Variants in CDC42BPA observed in about 807,000 individuals in gnomAD.
The protein encoded by CDC42BPA is CDC42 binding protein kinase alpha.
CDC42BPA carries 80 observed loss-of-function variants against 223.5 expected under a neutral mutation model. The observed-to-expected ratio is 0.36, with a 90% CI of 0.30 to 0.43. The LOEUF is 0.43. CDC42BPA is among the 20% of genes least tolerant of loss of function. The pLI is 1.00. For missense variants in CDC42BPA, 1,743 were observed against 2,099.9 expected (o/e 0.83, Z 3.32); for synonymous variants, 694 against 718.6 (o/e 0.97, Z 0.55).
At chr1:227,086,196 A>T (rs1461847290) in intron 16 of CDC42BPA, among the ~76,000 whole-genome samples, 1 of 152,230 alleles carries the variant, frequency 6.6e-6, no homozygotes, top group Admixed American at 6.5e-5. Flanking sequence ...GTATTCTAGT[A>T]TATGGGTATG....
chr1:227,110,938 T>C (rs1009504851), intron 14 of CDC42BPA, among the ~76,000 whole-genome samples: 26 of 152,358 alleles, frequency 1.7e-4, no homozygotes, highest in African/African-American at 5.8e-4. Flanking sequence ...ACATGATTCA[T>C]TCATTAACTT....
chr1:227,159,560 T>C (rs1663468917), intron 6 of CDC42BPA, among the ~76,000 whole-genome samples: 2 of 152,068 alleles, frequency 1.3e-5, no homozygotes, highest in South Asian at 4.1e-4. Context: ...TTTTGGAATG[T>C]ATTATACTAA....
chr1:227,041,172 T>C (rs1671289365), intron 23 of CDC42BPA, among the ~76,000 whole-genome samples: 1 of 152,170 alleles, frequency 6.6e-6, no homozygotes, highest in African/African-American at 2.4e-5. Flanking sequence ...TTATTTTAGA[T>C]TTGTGGGTAC....
At chr1:227,152,235 G>A (rs1264923019) in intron 6 of CDC42BPA, among the ~76,000 whole-genome samples, 6 of 152,134 alleles carry the variant, frequency 3.9e-5, no homozygotes, top group South Asian at 4.2e-4. Context: ...AGATATTGCC[G>A]AATTTATCTA....
intron 2 of CDC42BPA, among the ~76,000 whole-genome samples, chr1:227,251,504 T>C (rs1682003561): frequency 6.6e-6 from 1 of 152,132 alleles, no homozygotes; most frequent in Non-Finnish European, 1.5e-5. Flanking sequence ...AAACATACCA[T>C]ATGCTTATAG....
intron 17 of CDC42BPA, among the ~76,000 whole-genome samples, chr1:227,080,146 G>T (rs1358980681): frequency 6.6e-6 from 1 of 152,032 alleles, no homozygotes; most frequent in Non-Finnish European, 1.5e-5. Context: ...GATTAGGAAT[G>T]CTCAACCTGT....
At chr1:227,135,798 G>C (rs1348508379) in intron 10 of CDC42BPA, among the ~76,000 whole-genome samples, 4 of 126,810 alleles carry the variant, frequency 3.2e-5, no homozygotes, top group Non-Finnish European at 6.6e-5. Flanking sequence ...AGGTTGCAGT[G>C]AACCGAGATC....
At chr1:227,254,416 C>A (rs1025377086) in intron 1 of CDC42BPA, among the ~76,000 whole-genome samples, 1 of 151,958 alleles carries the variant, frequency 6.6e-6, no homozygotes, top group Non-Finnish European at 1.5e-5. Flanking sequence ...TAAAAGAATG[C>A]AAAGCAAGGG....
At chr1:227,042,030 T>C (rs1174799075) in intron 23 of CDC42BPA, among the ~76,000 whole-genome samples, 1 of 152,198 alleles carries the variant, frequency 6.6e-6, no homozygotes, top group Non-Finnish European at 1.5e-5. Context: ...TTTGAGAAAC[T>C]ATTATGAGTA....
rs545585160 is a variant in CDC42BPA, at chr1:227,219,584, G to A, written c.271-6365C>T. On this transcript the variant is annotated intron_variant, in intron 2 of 36. Coordinates refer to ENST00000366766, the MANE Select transcript of CDC42BPA (RefSeq NM_001394014.1). ...CTTATAAGAGTTACATAAATGATGC[G>A]TTTATTTTCATGTTTTTTTTTAAGA... Among the ~76,000 whole-genome samples, 24 of 152,160 alleles carry A rather than the reference G, an allele frequency of 1.6e-4. 1 individual carries two copies. The South Asian group carries it at 3.5e-3, about 22-fold the overall frequency.
At position 227,196,338 on chromosome 1, in the gene CDC42BPA, C is replaced by CTTTTTTTTTTTTTTTT. The variant is rs34352900; in HGVS notation, c.451-2420_451-2405dup. 8.7e-5 allele frequency among the ~76,000 whole-genome samples: 8 copies of CTTTTTTTTTTTTTTTT among 92,358 alleles called. 1 individual carries two copies. Among genetic ancestry groups the CTTTTTTTTTTTTTTTT allele is most frequent in the East Asian group, 2.9e-4 (1 of 3,440 alleles). 60.6% of individuals were successfully genotyped at this position (92,358 alleles called of 152,430 possible). On this transcript the variant is annotated intron_variant, in intron 4 of 36. Transcript: ENST00000366766. The stretch of plus-strand genomic sequence containing the variant: ...GCTTTCTTTTTACTATTAAACAATA[C>CTTTTTTTTTTTTTTTT]TTTTTTTTTTTTTTTTTTTGAGACA...
intron 14 of CDC42BPA, among the ~76,000 whole-genome samples, chr1:227,107,287 A>C (rs1272095788): frequency 3.9e-5 from 6 of 152,178 alleles, no homozygotes; most frequent in Non-Finnish European, 8.8e-5. Flanking sequence ...ATTCCTTTAG[A>C]TGCAATTGTT....
chr1:227,192,439 A>C (rs1351588005), intron 5 of CDC42BPA, among the ~76,000 whole-genome samples: 2 of 152,170 alleles, frequency 1.3e-5, no homozygotes, highest in Non-Finnish European at 2.9e-5. Context: ...TCTGGGTTTC[A>C]ACCACCCTTC....
intron 5 of CDC42BPA, 75 bp downstream of exon 5, chr1:227,193,711 C>A: frequency 8.7e-7 from 1 of 1,151,324 alleles, no homozygotes; most frequent in Non-Finnish European, 1.2e-6. Context: ...ATTAATAAAT[C>A]TGGCAAGAAA....
At chr1:227,079,511 G>T (rs1315342300) in intron 17 of CDC42BPA, among the ~76,000 whole-genome samples, 1 of 152,010 alleles carries the variant, frequency 6.6e-6, no homozygotes, top group Non-Finnish European at 1.5e-5. Context: ...ACATAAAAAT[G>T]GAATCACAAA....
chr1:226,991,042 C>T lies in CDC42BPA; in HGVS notation c.*3226G>A, dbSNP rs746461038. The T allele has an allele frequency of 3.9e-5, 6 of 152,550 alleles. No homozygotes were observed. The highest frequency in any genetic ancestry group is 7.3e-5 in the Non-Finnish European group (5 of 68,032). The allele number at this position is 152,550 out of a possible 1,614,324, so 9.4% of individuals were successfully genotyped here. ...ATAATAACAAAAAATGTAAGATCTACTTTAGCAATCATTTGACAAGAAGCA... is the reference window on the plus strand; with the variant it reads ...ATAATAACAAAAAATGTAAGATCTATTTTAGCAATCATTTGACAAGAAGCA... On this transcript the variant is annotated 3_prime_UTR_variant, in exon 37 of 37. Transcript: ENST00000366766.
At chr1:226,995,322 G>A (rs993778143) in intron 35 of CDC42BPA, among the ~76,000 whole-genome samples, 7 of 152,122 alleles carry the variant, frequency 4.6e-5, no homozygotes, top group African/African-American at 1.7e-4. Context: ...AGCCACTGAC[G>A]GCTCCCAGCC....
intron 12 of CDC42BPA, among the ~76,000 whole-genome samples, chr1:227,119,491 T>C (rs1476630900): frequency 1.3e-5 from 2 of 152,058 alleles, no homozygotes; most frequent in African/African-American, 4.8e-5. Context: ...TTTCTATAGA[T>C]GCTAAACAGT....
At position 227,082,714 on chromosome 1, in the gene CDC42BPA, C is replaced by CAAAAAAAAA. The variant is rs71574595; in HGVS notation, c.2356-1706_2356-1698dup. ...TGGGTGACAGAATGAGACTCTGTCT[C>CAAAAAAAAA]AAAAAAAAAAAAAAAAAAAAAAAAA... On this transcript the variant is annotated intron_variant, in intron 16 of 36. Transcript: ENST00000366766. 5.0e-5 allele frequency among the ~76,000 whole-genome samples: 3 copies of CAAAAAAAAA among 59,524 alleles called. No homozygotes were observed. In the South Asian group the frequency reaches 2.6e-3, roughly 52 times the overall value. The allele number at this position is 59,524 out of a possible 152,430, so 39.1% of individuals were successfully genotyped here. A position where few individuals can be genotyped will look rare whatever the true frequency, so the allele number is the denominator to read the frequency against.
Sources: gnomAD v4.1 joint callset for allele counts (sites outside exome capture counted in the v4.1 genomes callset) on GRCh38, gnomAD v4.1.1 for gene constraint, MANE v1.5 for transcripts, NCBI Gene and HGNC (gene_info 2026-07-23, HGNC 2026-07-21) for gene names.